The following ATN1 variants were observed in gnomAD, a reference collection of about 807,000 sequenced individuals.
The protein encoded by ATN1 is atrophin-1.
ATN1 carries 19 observed loss-of-function variants against 85.8 expected under a neutral mutation model. The ratio of observed to expected loss-of-function variants is 0.22; its 90% CI spans 0.15 to 0.32. The LOEUF is 0.32. Among genes scored for constraint, ATN1 ranks in the 10% least tolerant of loss-of-function variants. The probability of loss-of-function intolerance (pLI) is 1.00; values close to 1 mark genes in which losing one functional copy is unlikely to be tolerated. For synonymous variants in ATN1, 674 were observed against 657.0 expected (o/e 1.03, Z -0.39); for missense variants, 1,453 against 1,564.5 (o/e 0.93, Z 1.20).
rs1338660560 is a variant in ATN1 at position 6,941,922 on chromosome 12, G to T, written c.*142G>T. 4 of 810,476 alleles carry T rather than the reference G, an allele frequency of 4.9e-6. No individual in the cohort carries two copies. In the South Asian group the frequency reaches 6.1e-5, roughly 12 times the overall value. 50.2% of individuals were successfully genotyped at this position (810,476 alleles called of 1,614,324 possible). A position where few individuals can be genotyped will look rare whatever the true frequency, so the allele number is the denominator to read the frequency against. ...GGGCCTCCGCAGCTGGACAGAGAGTGGGGGAGGGAGGGACAGACAGAAGGC... is the reference window on the plus strand; with the variant it reads ...GGGCCTCCGCAGCTGGACAGAGAGTTGGGGAGGGAGGGACAGACAGAAGGC... On this transcript the variant is annotated 3_prime_UTR_variant, in exon 10 of 10. Coordinates refer to ENST00000396684, the MANE Select transcript of ATN1 (RefSeq NM_001940.4). This position sits in a 1 kb window ranked among gnomAD's most constrained non-coding sequence, Gnocchi z 5.9.
Position 6,936,873 on chromosome 12 carries a change from C to G in ATN1, c.1606C>G (p.Leu536Val). The G allele has an allele frequency of 6.2e-7, 1 of 1,614,064 alleles. No individual in the cohort carries two copies. The highest frequency in any genetic ancestry group is 8.5e-7 in the Non-Finnish European group (1 of 1,179,968). The stretch of plus-strand genomic sequence containing the variant: ...ACACCCTTACGCCATGTCTCCCTCC[C>G]TGGGGTCTCTGAGGCCCTACCCACC... ...HAHPYAMSPS[L>V]GSLRPYPPGP... The change falls in exon 5 of 10, where the codon CTG (leucine) becomes GTG (valine). Residue 536 changes from leucine to valine, a missense_variant. By Grantham distance (32) the Leu-to-Val change is conservative. Around this residue, in one of 6 missense-constraint regions of ATN1, gnomAD observed 990 missense variants for 914.8 expected, o/e 1.08. Transcript: ENST00000396684.
upstream of ATN1, among the ~76,000 whole-genome samples, chr12:6,927,581 C>T (rs904415970): frequency 1.3e-5 from 2 of 151,682 alleles, no homozygotes. Flanking sequence ...CACGGCTAGC[C>T]CTCCCCGCGC....
intron 7 of ATN1, among the ~76,000 whole-genome samples, chr12:6,940,528 A>G (rs1281713501): frequency 1.3e-5 from 2 of 152,170 alleles, no homozygotes; most frequent in Non-Finnish European, 2.9e-5. Context: ...TCAGCCTCCC[A>G]AAGTGCTGAG....
chr12:6,927,583 T>G, upstream of ATN1, among the ~76,000 whole-genome samples: 1 of 125,506 alleles, frequency 8.0e-6, no homozygotes. Context: ...CGGCTAGCCC[T>G]CCCCGCGCCC....
At position 6,941,229 on chromosome 12, in the gene ATN1, C is replaced by T; in HGVS notation, c.3359-145C>T. 1 of 1,210,622 alleles carries T rather than the reference C, an allele frequency of 8.3e-7. No homozygotes were observed. The allele number at this position is 1,210,622 out of a possible 1,614,324, so 75.0% of individuals were successfully genotyped here. ...AAGAGGTTCGAATCCCAATTCCACC[C>T]TACCACTGGCAACTTACAGAACTGG... is the stretch of plus-strand genomic sequence containing the variant. On this transcript the variant is annotated intron_variant, in intron 8 of 9. Transcript: ENST00000396684. This position sits in a 1 kb window ranked among gnomAD's most constrained non-coding sequence, Gnocchi z 5.9.
intron 1 of ATN1, among the ~76,000 whole-genome samples, chr12:6,933,221 C>CTT (rs782089414): frequency 0.019 from 2,735 of 144,414 alleles, 43 homozygotes; most frequent in Non-Finnish European, 0.027. Context: ...TTTCTTTTTT[C>CTT]TTTTTTTTTT....
chr12:6,931,578 G>A (rs1399088359), intron 1 of ATN1, among the ~76,000 whole-genome samples: 3 of 151,720 alleles, frequency 2.0e-5, no homozygotes, highest in African/African-American at 7.3e-5. Flanking sequence ...GCCAGGTGTG[G>A]TGGTGTGCGC....
chr12:6,928,848 G>A (rs1555142853), intron 1 of ATN1, among the ~76,000 whole-genome samples: 1 of 152,212 alleles, frequency 6.6e-6, no homozygotes, highest in East Asian at 1.9e-4. Context: ...ACGGGTTCCG[G>A]AGCCTGGGGT....
Position 6,938,912 on chromosome 12 carries a change from A to C in ATN1, c.2949A>C (p.Pro983=). 1 of 1,614,000 alleles carries C rather than the reference A, an allele frequency of 6.2e-7. No homozygotes were observed. The highest frequency in any genetic ancestry group is 8.5e-7 in the Non-Finnish European group (1 of 1,179,986). ...GGGGCCTGGCTCTGCAGCCTGGCCC[A>C]CCTGGCCTGCACCCTTTCCCCTTTC... The part of the protein sequence containing the change: ...RHGGLALQPG[P]PGLHPFPFHP... The change falls in exon 7 of 10, where the codon CCA becomes CCC. Residue 983 remains proline (P), a synonymous_variant. Transcript: ENST00000396684.
rs113703957 is a variant in ATN1, at chr12:6,938,195, C to T, written c.2517+128C>T. On this transcript the variant is annotated intron_variant, in intron 6 of 9. Coordinates refer to ENST00000396684, the MANE Select transcript of ATN1 (RefSeq NM_001940.4). ...GCGGGCGAGTCACGTCGCCACCTGT[C>T]GGAGGGGAGGTACCACTGCAGCCCA... 331 of 1,431,710 alleles carry T rather than the reference C, an allele frequency of 2.3e-4. 1 individual carries two copies. The African/African-American group carries it at 2.6e-3, about 11-fold the overall frequency. 88.7% of individuals were successfully genotyped at this position (1,431,710 alleles called of 1,614,324 possible). A position where few individuals can be genotyped will look rare whatever the true frequency, so the allele number is the denominator to read the frequency against.
Position 6,937,373 on chromosome 12 carries a change from C to A in ATN1, c.2106C>A (p.Pro702=). 1 of 1,550,366 alleles carries A rather than the reference C, an allele frequency of 6.5e-7. No individual in the cohort carries two copies. The highest frequency in any genetic ancestry group is 2.4e-5 in the East Asian group (1 of 40,972). ...VGPGPLPPAG[P]SGLPSLPPPP... is the part of the protein sequence containing the mutation. Reference sequence around the variant, plus strand: ...CTGGGCCCCTGCCACCTGCGGGGCCCTCAGGCCTGCCATCGCTGCCACCAC... The same window carrying A: ...CTGGGCCCCTGCCACCTGCGGGGCCATCAGGCCTGCCATCGCTGCCACCAC... Residue 702 remains proline (P), a synonymous_variant, in exon 5 of 10, where the codon CCC becomes CCA. Coordinates refer to ENST00000396684, the MANE Select transcript of ATN1 (RefSeq NM_001940.4). The surrounding 1 kb of genome is among the most constrained non-coding windows in gnomAD (Gnocchi z 6.0).
chr12:6,937,944 C>T lies in ATN1; in HGVS notation c.2394C>T (p.Asp798=), dbSNP rs1249459197. ...EGSKLAKKRA[D]LVEKVRREAE... is the part of the protein sequence containing the mutation. ...CCAAGCTGGCCAAGAAGCGGGCCGA[C>T]CTGGTGGAGAAGGTGCGGCGCGAGG... Residue 798 remains aspartate (D), a synonymous_variant, in exon 6 of 10, where the codon GAC becomes GAT. Coordinates refer to ENST00000396684, the MANE Select transcript of ATN1 (RefSeq NM_001940.4). This position sits in a 1 kb window ranked among gnomAD's most constrained non-coding sequence, Gnocchi z 6.0. The T allele has an allele frequency of 6.3e-7, 1 of 1,585,190 alleles. No individual in the cohort carries two copies. Among genetic ancestry groups the T allele is most frequent in the Non-Finnish European group, 8.6e-7 (1 of 1,166,638 alleles).
In ATN1 at chr12:6,928,085, G is replaced by T. The variant is rs1452005830; in HGVS notation, c.-462G>T. ...CGGGGCCGGGCGGCGCGGCGGGGGC[G>T]GGCGGCGCGGCCCGGGGCATTCCGG... On this transcript the variant is annotated 5_prime_UTR_variant, in exon 1 of 10. Transcript: ENST00000396684. Among the ~76,000 whole-genome samples the T allele has an allele frequency of 4.1e-5, 6 of 144,998 alleles. No individual in the cohort carries two copies. The highest frequency in any genetic ancestry group is 1.2e-4 in the African/African-American group (5 of 40,454).
In ATN1 at chr12:6,935,736, C is replaced by A. The variant is rs782808892; in HGVS notation, c.469C>A (p.Arg157Ser). The change falls in exon 5 of 10, where the codon CGC becomes AGC. Residue 157 changes from arginine (R) to serine (S), a missense_variant. Arg to Ser is a moderately radical substitution (Grantham distance 110). Coordinates refer to ENST00000396684, the MANE Select transcript of ATN1 (RefSeq NM_001940.4). This position sits in a 1 kb window ranked among gnomAD's most constrained non-coding sequence, Gnocchi z 5.3. ...TTCTGGCCTGTCCCAGGGCCCAGCC[C>A]GCCCCTACCACCCACCTCCACTCTT... ...SSSGLSQGPARPYHPPPLFPP... is the reference protein window; with the variant it reads ...SSSGLSQGPASPYHPPPLFPP... 6.2e-7 allele frequency: 1 copy of A among 1,613,832 alleles called. No homozygotes were observed. Among genetic ancestry groups the A allele is most frequent in the Non-Finnish European group, 8.5e-7 (1 of 1,179,856 alleles).
Position 6,936,342 on chromosome 12 carries a change from C to A in ATN1, c.1075C>A (p.Leu359Met). 3 of 1,613,994 alleles carry A rather than the reference C, an allele frequency of 1.9e-6. No homozygotes were observed. Among genetic ancestry groups the A allele is most frequent in the Non-Finnish European group, 1.7e-6 (2 of 1,179,944 alleles). Residue 359 changes from leucine (L) to methionine (M), a missense_variant, in exon 5 of 10, where the codon CTG (leucine) becomes ATG (methionine). Physicochemically the swap from Leu to Met is conservative, Grantham distance 15 (BLOSUM62 2). This residue lies in a region of ATN1 where 990 missense variants were observed against 914.8 expected (regional missense o/e 1.08). Coordinates refer to ENST00000396684, the MANE Select transcript of ATN1 (RefSeq NM_001940.4). ...GPTLAPSPHS[L>M]PPASSSAPAP... ...AACTCTGGCTCCTTCACCCCACTCT[C>A]TGCCTCCTGCTTCCTCTTCTGCTCC...
At chr12:6,927,627 G>C (rs1945411340), upstream of ATN1, among the ~76,000 whole-genome samples, 2 of 142,202 alleles carry the variant, frequency 1.4e-5, no homozygotes, top group South Asian at 2.4e-4. Flanking sequence ...GCCAACTCGC[G>C]CTGCGCCTCC....
rs782550558 is a variant in ATN1 at position 6,936,873 on chromosome 12, C to A, written c.1606C>A (p.Leu536Met). ...ACACCCTTACGCCATGTCTCCCTCCCTGGGGTCTCTGAGGCCCTACCCACC... is the reference window on the plus strand; with the variant it reads ...ACACCCTTACGCCATGTCTCCCTCCATGGGGTCTCTGAGGCCCTACCCACC... ...HAHPYAMSPSLGSLRPYPPGP... is the reference protein window; with the variant it reads ...HAHPYAMSPSMGSLRPYPPGP... The change falls in exon 5 of 10, where the codon CTG (leucine) becomes ATG (methionine). Residue 536 changes from leucine to methionine, a missense_variant. Physicochemically the swap from Leu to Met is conservative, Grantham distance 15. Transcript: ENST00000396684. 3.1e-6 allele frequency: 5 copies of A among 1,613,946 alleles called. No individual in the cohort carries two copies. In the Admixed American group the frequency reaches 6.7e-5, roughly 22 times the overall value.
rs1339360647 is a variant in ATN1 at position 6,930,522 on chromosome 12, G to A, written c.-163+2138G>A. Reference sequence around the variant, plus strand: ...TTTTAAAGTAAGGTAATGGCAGTGCGCAGTGGCTCACGCCTGTAATCCCAG... The same window carrying A: ...TTTTAAAGTAAGGTAATGGCAGTGCACAGTGGCTCACGCCTGTAATCCCAG... On this transcript the variant is annotated intron_variant, in intron 1 of 9. Transcript: ENST00000396684. 4.6e-5 allele frequency among the ~76,000 whole-genome samples: 7 copies of A among 152,300 alleles called. No homozygotes were observed. The South Asian group carries it at 1.0e-3, about 23-fold the overall frequency.
In ATN1 at chr12:6,936,657, C is replaced by T. The variant is rs782663869; in HGVS notation, c.1390C>T (p.Pro464Ser). 1.4e-5 allele frequency: 23 copies of T among 1,613,862 alleles called. No individual in the cohort carries two copies. The highest frequency in any genetic ancestry group is 1.9e-5 in the Non-Finnish European group (23 of 1,179,960). ...CAATGCCCATCCAGGCCCCTTCCCT[C>T]CCTCTACTGGGGCCCAGTCCACCGC... ...NSNAHPGPFP[P>S]STGAQSTAHP... The change falls in exon 5 of 10, where the codon CCC (proline) becomes TCC (serine). Residue 464 changes from proline to serine, a missense_variant. Physicochemically the swap from Pro to Ser is moderately conservative, Grantham distance 74 (BLOSUM62 -1). Around this residue, in one of 6 missense-constraint regions of ATN1, gnomAD observed 990 missense variants for 914.8 expected, o/e 1.08. Coordinates refer to ENST00000396684, the MANE Select transcript of ATN1 (RefSeq NM_001940.4).
Sources: allele counts gnomAD v4.1 joint callset (sites outside exome capture counted in the v4.1 genomes callset), GRCh38; gene constraint gnomAD v4.1.1; regional missense constraint gnomAD v4.1.1; non-coding constraint Gnocchi (gnomAD v3.1); transcripts MANE v1.5; gene names NCBI Gene and HGNC (gene_info 2026-07-23, HGNC 2026-07-21).